TMPRSS6: variants seen among roughly 807,000 people sequenced by gnomAD.
The protein encoded by TMPRSS6 is transmembrane serine protease 6, also known as transmembrane protease serine 6.
In TMPRSS6, 67 loss-of-function variants were observed where a neutral mutation model predicts 101.5. The observed-to-expected ratio is 0.66, with a 90% CI of 0.54 to 0.81. The LOEUF (loss-of-function observed/expected upper bound fraction) is 0.81, where lower values mean the gene tolerates loss of function less well. TMPRSS6 is among the 30% of genes least tolerant of loss of function. The pLI is 0.00. For missense variants in TMPRSS6, 1,034 were observed against 1,088.7 expected (o/e 0.95, Z 0.71); for synonymous variants, 453 against 464.9 (o/e 0.97, Z 0.33).
chr22:37,097,489 C>T (rs957549311), intron 3 of TMPRSS6, among the ~76,000 whole-genome samples: 3 of 152,234 alleles, frequency 2.0e-5, no homozygotes, highest in Admixed American at 1.3e-4. Flanking sequence ...AAAGAAGCTG[C>T]GGTATTGATC....
intron 6 of TMPRSS6, among the ~76,000 whole-genome samples, chr22:37,092,161 C>T (rs1929327846): frequency 6.6e-6 from 1 of 150,424 alleles, no homozygotes; most frequent in Non-Finnish European, 1.5e-5. Flanking sequence ...GAAACACCTT[C>T]AGGGAGCCTG....
At chr22:37,071,061 C>G (rs762476602) in intron 13 of TMPRSS6, 29 bp from the exon 14 acceptor site, 2 of 1,603,850 alleles carry the variant, frequency 1.2e-6, no homozygotes, top group East Asian at 2.2e-5. Context: ...GGGCAGGGCA[C>G]AGAAGGTGGG....
In TMPRSS6 at chr22:37,068,517, C is replaced by A. The variant is rs184509022; in HGVS notation, c.2113+556G>T. ...CAGTGAACGTAGAAAGGGGAGAGAC[C>A]CTGTTTCTGAGAGCAGTAGCAGGAA... On this transcript the variant is annotated intron_variant, in intron 16 of 17. Coordinates refer to ENST00000676104, the MANE Select transcript of TMPRSS6 (RefSeq NM_001374504.1). The A allele has an allele frequency of 3.5e-5, 26 of 751,620 alleles. No homozygotes were observed. The Admixed American group carries it at 3.8e-4, about 11-fold the overall frequency. The allele number at this position is 751,620 out of a possible 1,614,324, so 46.6% of individuals were successfully genotyped here.
intron 15 of TMPRSS6, 133 bp downstream of exon 15, chr22:37,070,351 C>T (rs1330256712): frequency 1.7e-6 from 2 of 1,200,780 alleles, no homozygotes; most frequent in East Asian, 4.7e-5. Context: ...CTAGAACTCA[C>T]ATCACAGTAG....
intron 1 of TMPRSS6, among the ~76,000 whole-genome samples, chr22:37,107,954 G>A (rs756197978): frequency 5.3e-5 from 8 of 152,102 alleles, no homozygotes; most frequent in Admixed American, 1.3e-4. Flanking sequence ...GGTACTCAGC[G>A]GACACTCAGT....
At chr22:37,084,178 C>T in intron 10 of TMPRSS6, 117 bp downstream of exon 10, 1 of 916,242 alleles carries the variant, frequency 1.1e-6, no homozygotes, top group Non-Finnish European at 1.7e-6. Context: ...GCTCGCTCCC[C>T]TTGCTGCCCC....
At position 37,073,659 on chromosome 22, in the gene TMPRSS6, CAG is replaced by C. The variant is rs1927350943; in HGVS notation, c.1442-16_1442-15del. On this transcript the variant is annotated splice_polypyrimidine_tract_variant and intron_variant, in intron 12 of 17. Transcript: ENST00000676104. ...TGGCTCTGCAAACTGTGTGGGGACA[CAG>C]AGAGGGGACAGGTGGGAGGAAGCCA... 3.8e-6 allele frequency: 6 copies of C among 1,594,092 alleles called. No individual in the cohort carries two copies. The East Asian group carries it at 1.3e-4, about 36-fold the overall frequency.
chr22:37,065,613 C>T lies in TMPRSS6; in HGVS notation c.*467G>A, dbSNP rs1926199243. The T allele has an allele frequency of 5.7e-6, 1 of 174,742 alleles. No individual in the cohort carries two copies. The highest frequency in any genetic ancestry group is 2.4e-5 in the African/African-American group (1 of 42,254). The allele number at this position is 174,742 out of a possible 1,614,324, so 10.8% of individuals were successfully genotyped here. On this transcript the variant is annotated 3_prime_UTR_variant, in exon 18 of 18. Transcript: ENST00000676104. ...TGGCAGTCTCCAGGGCTCTGAGGGT[C>T]CCCTCCGATGGGAGCACCTTCCATT...
rs1930306690 is a variant in TMPRSS6, at chr22:37,101,477, C to T, written c.202+1739G>A. On this transcript the variant is annotated intron_variant, in intron 2 of 17. Coordinates refer to ENST00000676104, the MANE Select transcript of TMPRSS6 (RefSeq NM_001374504.1). The surrounding 1 kb of genome is among the most constrained non-coding windows in gnomAD (Gnocchi z 4.1). ...TCCTCGCTTGGGGCCTGTCCTGCTC[C>T]AGTGTCACTGGTCACTTGTGCACCT... 6.6e-6 allele frequency among the ~76,000 whole-genome samples: 1 copy of T among 152,100 alleles called. No homozygotes were observed.
Position 37,103,183 on chromosome 22 carries a change from A to C in TMPRSS6, c.202+33T>G. The C allele has an allele frequency of 6.2e-7, 1 of 1,610,954 alleles. No individual in the cohort carries two copies. Among genetic ancestry groups the C allele is most frequent in the Non-Finnish European group, 8.5e-7 (1 of 1,177,966 alleles). ...GCTACAGTCACCCCAAGTCCTCCCC[A>C]GGTGCCTCTCCCAGGCGGTCCCACA... On this transcript the variant is annotated intron_variant, in intron 2 of 17. Transcript: ENST00000676104. This position sits in a 1 kb window ranked among gnomAD's most constrained non-coding sequence, Gnocchi z 4.4.
rs529797629 is a variant in TMPRSS6, at chr22:37,076,769, CAG to C, written c.1197-1491_1197-1490del. Among the ~76,000 whole-genome samples, 382 of 152,322 alleles carry C rather than the reference CAG, an allele frequency of 2.5e-3. 1 individual carries two copies. The highest frequency in any genetic ancestry group is 8.9e-3 in the African/African-American group (371 of 41,564). Reference sequence around the variant, plus strand: ...CATCAGCTCATAGAAATGCCCTCCACAGAGCAAATCAGAGTGCTTTGCAGATG... The same window carrying C: ...CATCAGCTCATAGAAATGCCCTCCACAGCAAATCAGAGTGCTTTGCAGATG... On this transcript the variant is annotated intron_variant, in intron 10 of 17. Coordinates refer to ENST00000676104, the MANE Select transcript of TMPRSS6 (RefSeq NM_001374504.1).
intron 10 of TMPRSS6, chr22:37,083,037 G>A (rs1430837047): frequency 6.4e-6 from 3 of 471,118 alleles, no homozygotes; most frequent in South Asian, 1.5e-5. Context: ...GAGCCCCAGA[G>A]CCTTCCAATT....
At position 37,098,519 on chromosome 22, in the gene TMPRSS6, A is replaced by G; in HGVS notation, c.233T>C (p.Val78Ala). 5 of 1,614,096 alleles carry G rather than the reference A, an allele frequency of 3.1e-6. No individual in the cohort carries two copies. Among genetic ancestry groups the G allele is most frequent in the Non-Finnish European group, 4.2e-6 (5 of 1,180,022 alleles). The change falls in exon 3 of 18, where the codon GTG (valine) becomes GCG (alanine). Residue 78 changes from valine to alanine, a missense_variant. By Grantham distance (64) the Val-to-Ala change is moderately conservative. Transcript: ENST00000676104. ...GYKAEVMVSQ[V>A]YSGSLRVLNR... ...GAGTACACGCAGACTGCCTGAGTAC[A>G]CCTGGCTGACCATCACCTCCGCCTT...
intron 8 of TMPRSS6, 34 bp from the exon 9 acceptor site, chr22:37,084,873 C>G (rs1479572039): frequency 6.6e-7 from 1 of 1,523,618 alleles, no homozygotes; most frequent in Non-Finnish European, 8.9e-7. Flanking sequence ...CACAGGGGTC[C>G]CCTGGCTGCA....
At chr22:37,072,693 G>GTGATGGACGGATGGATGATGGATGGA (rs1927190435) in intron 13 of TMPRSS6, among the ~76,000 whole-genome samples, 1 of 109,516 alleles carries the variant, frequency 9.1e-6, no homozygotes, top group South Asian at 3.6e-4. Context: ...GGATGGATGG[G>GTGATGGACGGATGGATGATGGATGGA]TGATGGACGG....
rs766468456 is a variant in TMPRSS6 at position 37,084,371 on chromosome 22, A to G, written c.1120T>C (p.Phe374Leu). 6.2e-7 allele frequency: 1 copy of G among 1,612,874 alleles called. No individual in the cohort carries two copies. Among genetic ancestry groups the G allele is most frequent in the South Asian group, 1.1e-5 (1 of 90,774 alleles). Reference sequence around the variant, plus strand: ...TGCCTCCTCAGTGCATAGGCATCAAACCAGAGGGCCAAGCCGTAGTCCAGA... The same window carrying G: ...TGCCTCCTCAGTGCATAGGCATCAAGCCAGAGGGCCAAGCCGTAGTCCAGA... ...PSLDYGLALW[F>L]DAYALRRQKY... The change falls in exon 10 of 18, where the codon TTT becomes CTT. Residue 374 changes from phenylalanine to leucine, a missense_variant. Phe to Leu is a conservative substitution (Grantham distance 22). Transcript: ENST00000676104.
At chr22:37,073,451 G>A (rs1399718364) in intron 13 of TMPRSS6, 81 bp downstream of exon 13, 1 of 882,666 alleles carries the variant, frequency 1.1e-6, no homozygotes, top group Non-Finnish European at 1.9e-6. Context: ...GAGAGGAGAA[G>A]CTAGAAACTT....
intron 7 of TMPRSS6, among the ~76,000 whole-genome samples, chr22:37,089,254 G>A (rs532871752): frequency 6.6e-6 from 1 of 152,228 alleles, no homozygotes; most frequent in African/African-American, 2.4e-5. Context: ...CGAGCCCAGA[G>A]GTTGAAAGTC....
rs751256737 is a variant in TMPRSS6, at chr22:37,075,246, C to T, written c.1231G>A (p.Glu411Lys). The stretch of plus-strand genomic sequence containing the variant: ...GCCGTGGCCACCACGGGGATCCTCT[C>T]GGCGTAGGGCTGCAGGATGCGCAAG... ...CGLRILQPYA[E>K]RIPVVATAGI... The change falls in exon 11 of 18, where the codon GAG becomes AAG. Residue 411 changes from glutamate to lysine, a missense_variant. Glu to Lys is a moderately conservative substitution (Grantham distance 56). Transcript: ENST00000676104. 31 of 1,613,622 alleles carry T rather than the reference C, an allele frequency of 1.9e-5. No homozygotes were observed. The highest frequency in any genetic ancestry group is 3.3e-5 in the Admixed American group (2 of 60,012).
Sources: gnomAD v4.1 joint callset for allele counts (sites outside exome capture counted in the v4.1 genomes callset) on GRCh38, gnomAD v4.1.1 for gene constraint, Gnocchi (gnomAD v3.1) non-coding constraint, MANE v1.5 for transcripts, NCBI Gene and HGNC (gene_info 2026-07-23, HGNC 2026-07-21) for gene names.